Variants in FARS2 observed in about 807,000 individuals in gnomAD.
FARS2 encodes the protein phenylalanyl-tRNA synthetase 2, mitochondrial.
Under a neutral mutation model 46.4 loss-of-function variants are expected in FARS2, and 40 were observed. The observed-to-expected ratio is 0.86, with a 90% CI of 0.67 to 1.12. FARS2 has a LOEUF of 1.12. Among genes scored for constraint, FARS2 ranks in the 50% most tolerant of loss-of-function variants. The pLI, the probability that FARS2 is intolerant of heterozygous loss-of-function variation, is 0.00. For missense variants in FARS2, 513 were observed against 567.9 expected, an observed-to-expected ratio of 0.90 and a Z score of 0.98; for synonymous variants, 234 against 214.9, an observed-to-expected ratio of 1.09 and a Z score of -0.78.
At chr6:5,454,577 C>A (rs1032960546) in intron 4 of FARS2, among the ~76,000 whole-genome samples, 5 of 152,240 alleles carry the variant, frequency 3.3e-5, no homozygotes, top group Non-Finnish European at 7.4e-5. Context: ...ATCTCCTGAC[C>A]TTGTGACCCA....
chr6:5,425,170 C>T (rs541808437), intron 3 of FARS2, among the ~76,000 whole-genome samples: 1 of 152,184 alleles, frequency 6.6e-6, no homozygotes, highest in African/African-American at 2.4e-5. Flanking sequence ...CATATTTGTT[C>T]AGTTAATTTT....
At chr6:5,496,498 G>A (rs745467335) in intron 4 of FARS2, among the ~76,000 whole-genome samples, 19 of 152,192 alleles carry the variant, frequency 1.2e-4, no homozygotes, top group South Asian at 4.1e-4. Context: ...ATACTGCAGA[G>A]TGGAGTGTTT....
chr6:5,437,941 G>A (rs535196131), intron 4 of FARS2, among the ~76,000 whole-genome samples: 3 of 151,954 alleles, frequency 2.0e-5, no homozygotes, highest in South Asian at 2.1e-4. Context: ...TATAGACCAC[G>A]TCAAGTGGTG....
chr6:5,672,208 C>T (rs1778507658), intron 6 of FARS2, among the ~76,000 whole-genome samples: 1 of 152,152 alleles, frequency 6.6e-6, no homozygotes, highest in African/African-American at 2.4e-5. Context: ...GGTTTCCTCA[C>T]CGACCCAAAG....
chr6:5,531,248 C>A (rs539244369), intron 4 of FARS2, among the ~76,000 whole-genome samples: 23 of 152,236 alleles, frequency 1.5e-4, no homozygotes, highest in African/African-American at 4.8e-4. Flanking sequence ...GGAGTCAAGC[C>A]CCTGCAGGGG....
chr6:5,748,153 C>G (rs1232451876), intron 6 of FARS2, among the ~76,000 whole-genome samples: 1 of 152,184 alleles, frequency 6.6e-6, no homozygotes, highest in Non-Finnish European at 1.5e-5. Flanking sequence ...GGCTTCCCAT[C>G]ACTATCCCTG....
intron 4 of FARS2, among the ~76,000 whole-genome samples, chr6:5,461,413 T>C (rs1232229563): frequency 6.6e-6 from 1 of 152,136 alleles, no homozygotes; most frequent in Non-Finnish European, 1.5e-5. Flanking sequence ...TTTAATAGCT[T>C]ATTGAGGAAA....
intron 6 of FARS2, among the ~76,000 whole-genome samples, chr6:5,616,110 T>C (rs1424909035): frequency 2.6e-5 from 4 of 151,852 alleles, no homozygotes; most frequent in Non-Finnish European, 4.4e-5. Flanking sequence ...GTGTTTCTTC[T>C]CTTCACTTCC....
intron 6 of FARS2, among the ~76,000 whole-genome samples, chr6:5,719,442 G>GAGAAAAAGAGAGAAAGAA (rs1554129044): frequency 6.9e-6 from 1 of 144,582 alleles, no homozygotes; most frequent in African/African-American, 2.6e-5. Flanking sequence ...AGGAAAGAAA[G>GAGAAAAAGAGAGAAAGAA]AGAGAAAGAG....
At chr6:5,290,079 C>T (rs905927165) in intron 1 of FARS2, among the ~76,000 whole-genome samples, 4 of 152,064 alleles carry the variant, frequency 2.6e-5, no homozygotes, top group Non-Finnish European at 5.9e-5. Flanking sequence ...TAGTTTTGGA[C>T]AGAAATAAGA....
rs71540878 is a variant in FARS2, at chr6:5,674,193, TAA to T, written c.1217+60893_1217+60894del. On this transcript the variant is annotated intron_variant, in intron 6 of 6. Transcript: ENST00000274680. ...TTCTTTTCAGTTAGTGCATTCTCAT[TAA>T]AAAAAAAAAAAAAAAAAAAGGAAAG... Among the ~76,000 whole-genome samples, 130 of 76,352 alleles carry T rather than the reference TAA, an allele frequency of 1.7e-3. 1 individual carries two copies. Among genetic ancestry groups the T allele is most frequent in the African/African-American group, 4.6e-3 (97 of 20,948 alleles). The allele number at this position is 76,352 out of a possible 152,430, so 50.1% of individuals were successfully genotyped here. A position where few individuals can be genotyped will look rare whatever the true frequency, so the allele number is the denominator to read the frequency against.
intron 5 of FARS2, among the ~76,000 whole-genome samples, chr6:5,565,322 G>A (rs1261118874): frequency 6.6e-6 from 1 of 152,096 alleles, no homozygotes; most frequent in African/African-American, 2.4e-5. Flanking sequence ...CTTTTGTTTT[G>A]CTTGAGATTT....
intron 3 of FARS2, among the ~76,000 whole-genome samples, chr6:5,417,749 G>C (rs1045326965): frequency 1.3e-5 from 2 of 152,136 alleles, no homozygotes; most frequent in Non-Finnish European, 2.9e-5. Flanking sequence ...TTTGGAATTG[G>C]TTGAGCTTCT....
chr6:5,488,286 A>G (rs1180374139), intron 4 of FARS2, among the ~76,000 whole-genome samples: 2 of 152,236 alleles, frequency 1.3e-5, no homozygotes, highest in Non-Finnish European at 2.9e-5. Context: ...GGCTATCGTT[A>G]GTCAGATTGT....
At chr6:5,621,084 T>G (rs1438148868) in intron 6 of FARS2, among the ~76,000 whole-genome samples, 1 of 152,152 alleles carries the variant, frequency 6.6e-6, no homozygotes, top group Non-Finnish European at 1.5e-5. Flanking sequence ...TGCTGTGGGG[T>G]CATAAGGGTA....
At chr6:5,315,027 A>T (rs776404258) in intron 1 of FARS2, among the ~76,000 whole-genome samples, 3 of 152,196 alleles carry the variant, frequency 2.0e-5, no homozygotes, top group Non-Finnish European at 2.9e-5. Context: ...GGGTAGAGGT[A>T]ATTAGTGGTT....
At chr6:5,622,386 A>T (rs931292163) in intron 6 of FARS2, among the ~76,000 whole-genome samples, 6 of 152,186 alleles carry the variant, frequency 3.9e-5, no homozygotes, top group Non-Finnish European at 5.9e-5. Flanking sequence ...ATTCCACATG[A>T]TGGAAACTCC....
chr6:5,508,820 C>G (rs1370555449), intron 4 of FARS2, among the ~76,000 whole-genome samples: 1 of 151,976 alleles, frequency 6.6e-6, no homozygotes, highest in Non-Finnish European at 1.5e-5. Flanking sequence ...GAGAGGTGGA[C>G]AGAATTTGAA....
chr6:5,341,257 T>TTTTTTTTTTTTTTTC (rs552538194), intron 1 of FARS2, among the ~76,000 whole-genome samples: 2 of 56,700 alleles, frequency 3.5e-5, no homozygotes, highest in Non-Finnish European at 6.7e-5. Context: ...TTTTTTTTTT[T>TTTTTTTTTTTTTTTC]CCCTGTGAGA....
Sources: allele counts gnomAD v4.1 joint callset (sites outside exome capture counted in the v4.1 genomes callset), GRCh38; gene constraint gnomAD v4.1.1; transcripts MANE v1.5; gene names NCBI Gene and HGNC (gene_info 2026-07-23, HGNC 2026-07-21).